Variants in ANO6 observed in about 807,000 individuals in gnomAD.
ANO6 encodes the protein anoctamin-6.
Under a neutral mutation model 117.5 loss-of-function variants are expected in ANO6, and 106 were observed. That is an observed-to-expected ratio of 0.90 (90% CI 0.77 to 1.06). The LOEUF is 1.06. ANO6 is among the 50% of genes least tolerant of loss of function. The pLI is 0.00. For missense variants in ANO6, 955 were observed against 1,121.1 expected (o/e 0.85, Z 2.12); for synonymous variants, 367 against 385.1 (o/e 0.95, Z 0.55).
intron 1 of ANO6, among the ~76,000 whole-genome samples, chr12:45,276,610 A>C (rs1938563223): frequency 6.6e-6 from 1 of 151,950 alleles, no homozygotes; most frequent in Non-Finnish European, 1.5e-5. Flanking sequence ...CCATCTCTTA[A>C]TCTCTGCTAT....
chr12:45,362,779 A>G (rs1399040265), intron 8 of ANO6, among the ~76,000 whole-genome samples: 1 of 152,190 alleles, frequency 6.6e-6, no homozygotes, highest in Non-Finnish European at 1.5e-5. Context: ...TTAATTTCAA[A>G]TAGTACACAA....
intron 9 of ANO6, among the ~76,000 whole-genome samples, chr12:45,373,609 C>CT (rs1941912903): frequency 6.6e-6 from 1 of 152,148 alleles, no homozygotes; most frequent in Non-Finnish European, 1.5e-5. Flanking sequence ...TCCTGAATGA[C>CT]TACTGGGTAC....
intron 3 of ANO6, among the ~76,000 whole-genome samples, chr12:45,345,027 AT>A (rs1228421916): frequency 6.6e-6 from 1 of 152,012 alleles, no homozygotes; most frequent in Non-Finnish European, 1.5e-5. Context: ...TGAGTGGGGC[AT>A]TTCTAGGCCA....
intron 1 of ANO6, among the ~76,000 whole-genome samples, chr12:45,277,702 A>G (rs899788280): frequency 2.0e-5 from 3 of 152,194 alleles, no homozygotes; most frequent in African/African-American, 2.4e-5. Flanking sequence ...GACTAAGTAT[A>G]TAATTCAAAG....
intron 17 of ANO6, 23 bp from the exon 18 acceptor site, chr12:45,421,048 G>T: frequency 6.2e-7 from 1 of 1,611,786 alleles, no homozygotes; most frequent in Non-Finnish European, 8.5e-7. Context: ...CTTCATTTTC[G>T]CTTTGTTTTT....
chr12:45,272,775 A>C (rs1296086151), intron 1 of ANO6, among the ~76,000 whole-genome samples: 2 of 152,196 alleles, frequency 1.3e-5, no homozygotes, highest in East Asian at 3.8e-4. Context: ...AAATAGAACT[A>C]CCACATGATC....
At chr12:45,375,355 T>A (rs1007434251) in intron 9 of ANO6, among the ~76,000 whole-genome samples, 5 of 152,210 alleles carry the variant, frequency 3.3e-5, no homozygotes, top group Non-Finnish European at 5.9e-5. Flanking sequence ...AAAAAACTAC[T>A]TTAAAGTTCA....
chr12:45,268,815 G>A (rs1188362069), intron 1 of ANO6, among the ~76,000 whole-genome samples: 1 of 152,250 alleles, frequency 6.6e-6, no homozygotes, highest in Non-Finnish European at 1.5e-5. Flanking sequence ...AGAAAGGTCT[G>A]TCTGGATCAT....
intron 7 of ANO6, among the ~76,000 whole-genome samples, chr12:45,355,301 G>A (rs529443296): frequency 6.6e-6 from 1 of 152,242 alleles, no homozygotes; most frequent in Admixed American, 6.5e-5. Flanking sequence ...AGAACTAAGA[G>A]ACAGATTTCC....
At chr12:45,312,837 A>G (rs1272916675) in intron 2 of ANO6, among the ~76,000 whole-genome samples, 1 of 152,052 alleles carries the variant, frequency 6.6e-6, no homozygotes, top group African/African-American at 2.4e-5. Context: ...AACCAATAAT[A>G]TGGATCTTTA....
chr12:45,405,059 C>T (rs1347758108), intron 15 of ANO6, among the ~76,000 whole-genome samples: 2 of 152,168 alleles, frequency 1.3e-5, no homozygotes, highest in African/African-American at 2.4e-5. Context: ...CCTCTTCCCC[C>T]ACCCAGAAAG....
chr12:45,297,281 A>G (rs1939325995), intron 1 of ANO6, among the ~76,000 whole-genome samples: 1 of 152,216 alleles, frequency 6.6e-6, no homozygotes, highest in Non-Finnish European at 1.5e-5. Context: ...TAAGTTGGAT[A>G]AATTGTTGAT....
At chr12:45,335,924 G>A (rs1236858985) in intron 3 of ANO6, among the ~76,000 whole-genome samples, 2 of 151,894 alleles carry the variant, frequency 1.3e-5, no homozygotes, top group East Asian at 3.9e-4. Flanking sequence ...CCCAAATGAA[G>A]ACCATATTGT....
At chr12:45,318,134 C>A (rs1420468968) in intron 2 of ANO6, among the ~76,000 whole-genome samples, 1 of 152,124 alleles carries the variant, frequency 6.6e-6, no homozygotes, top group African/African-American at 2.4e-5. Flanking sequence ...TGAATTAGAT[C>A]CCATTTGTCA....
chr12:45,428,079 T>C (rs1417152312), intron 19 of ANO6, among the ~76,000 whole-genome samples: 3 of 151,822 alleles, frequency 2.0e-5, no homozygotes, highest in African/African-American at 4.8e-5. Context: ...TCACATGACA[T>C]AGAGTCTCAG....
chr12:45,244,406 G>C (rs548530824), intron 1 of ANO6, among the ~76,000 whole-genome samples: 166 of 144,830 alleles, frequency 1.1e-3, no homozygotes, highest in African/African-American at 2.6e-3. Context: ...CTCTATTTGG[G>C]GGGGGGGGGT....
At chr12:45,299,001 C>T (rs1293979907) in intron 1 of ANO6, among the ~76,000 whole-genome samples, 1 of 151,406 alleles carries the variant, frequency 6.6e-6, no homozygotes, top group African/African-American at 2.4e-5. Flanking sequence ...AAAACAAAAA[C>T]CCCACAGTAT....
intron 1 of ANO6, among the ~76,000 whole-genome samples, chr12:45,223,339 T>C (rs1947433853): frequency 6.6e-6 from 1 of 152,192 alleles, no homozygotes; most frequent in Admixed American, 6.5e-5. Context: ...AGTGTCAGAA[T>C]TCACTTGGAG....
chr12:45,378,011 G>A, intron 9 of ANO6, 42 bp from the exon 10 acceptor site: 2 of 1,538,154 alleles, frequency 1.3e-6, no homozygotes, highest in Non-Finnish European at 1.8e-6. Flanking sequence ...ATCCTAATAA[G>A]TGGAGGATAT....
Sources: allele counts gnomAD v4.1 joint callset (sites outside exome capture counted in the v4.1 genomes callset), GRCh38; gene constraint gnomAD v4.1.1; transcripts MANE v1.5; gene names NCBI Gene and HGNC (gene_info 2026-07-23, HGNC 2026-07-21).